The following GALNT10 variants were observed in gnomAD, a reference collection of about 807,000 sequenced individuals.
The protein encoded by GALNT10 is GalNAc transferase 10.
A neutral mutation model predicts 75.0 loss-of-function variants in GALNT10; 41 were observed. That is an observed-to-expected ratio of 0.55 (90% CI 0.43 to 0.71). The LOEUF (loss-of-function observed/expected upper bound fraction) is 0.71. Ranked by LOEUF, GALNT10 falls within the 30% of genes least tolerant of loss-of-function variation. The pLI is 0.00. For missense variants in GALNT10, 727 were observed against 818.5 expected, an observed-to-expected ratio of 0.89 and a Z score of 1.36; for synonymous variants, 302 against 313.0, an observed-to-expected ratio of 0.96 and a Z score of 0.37.
intron 3 of GALNT10, among the ~76,000 whole-genome samples, chr5:154,303,724 T>C (rs1428855827): frequency 6.6e-6 from 1 of 152,158 alleles, no homozygotes; most frequent in Non-Finnish European, 1.5e-5. Flanking sequence ...TCAAACTGTT[T>C]CCAAATATAT....
At chr5:154,355,245 C>T (rs1561670053) in intron 4 of GALNT10, among the ~76,000 whole-genome samples, 1 of 152,142 alleles carries the variant, frequency 6.6e-6, no homozygotes, top group Non-Finnish European at 1.5e-5. Context: ...CCTTCCTGCT[C>T]CTCCCCCCTC....
chr5:154,412,858 G>A lies in GALNT10; in HGVS notation c.1387-31G>A. 1 of 1,494,500 alleles carries A rather than the reference G, an allele frequency of 6.7e-7. No individual in the cohort carries two copies. The allele number at this position is 1,494,500 out of a possible 1,614,324, so 92.6% of individuals were successfully genotyped here. A position where few individuals can be genotyped will look rare whatever the true frequency, so the allele number is the denominator to read the frequency against. On this transcript the variant is annotated intron_variant, in intron 9 of 11. Coordinates refer to ENST00000297107, the MANE Select transcript of GALNT10 (RefSeq NM_198321.4). This position sits in a 1 kb window ranked among gnomAD's most constrained non-coding sequence, Gnocchi z 4.2. ...CCGGTGGGCACCTTAAGGCACCTCA[G>A]TGGTCCACTTCTTCCCTCTTTCCCT... is the stretch of plus-strand genomic sequence containing the variant.
At chr5:154,315,746 T>C (rs1754586289) in intron 3 of GALNT10, among the ~76,000 whole-genome samples, 1 of 152,188 alleles carries the variant, frequency 6.6e-6, no homozygotes, top group African/African-American at 2.4e-5. Flanking sequence ...CAGCCAGGGC[T>C]GTGGGCTTGG....
intron 4 of GALNT10, among the ~76,000 whole-genome samples, chr5:154,368,330 C>T (rs530095992): frequency 9.2e-5 from 14 of 152,326 alleles, no homozygotes; most frequent in Non-Finnish European, 1.5e-4. Flanking sequence ...GAGATGCTCT[C>T]GCTGAGGTTC....
At chr5:154,210,569 G>A (rs2113648031) in intron 1 of GALNT10, among the ~76,000 whole-genome samples, 1 of 152,312 alleles carries the variant, frequency 6.6e-6, no homozygotes, top group South Asian at 2.1e-4. Flanking sequence ...TACAATAAGT[G>A]TGATTATTTG....
intron 4 of GALNT10, among the ~76,000 whole-genome samples, chr5:154,364,939 C>G (rs766812918): frequency 1.3e-5 from 2 of 152,150 alleles, no homozygotes; most frequent in Non-Finnish European, 2.9e-5. Context: ...TTTCAGAAAA[C>G]AGAGGAGGCT....
At chr5:154,304,953 A>C (rs1037464553) in intron 3 of GALNT10, among the ~76,000 whole-genome samples, 1 of 152,224 alleles carries the variant, frequency 6.6e-6, no homozygotes, top group Non-Finnish European at 1.5e-5. Flanking sequence ...AAATGAAATC[A>C]TAAAAAGTAA....
chr5:154,260,128 C>A (rs774317877), intron 1 of GALNT10, among the ~76,000 whole-genome samples: 5 of 152,136 alleles, frequency 3.3e-5, no homozygotes, highest in Admixed American at 2.6e-4. Flanking sequence ...GCCTAAATGG[C>A]TGTCATGTCA....
In GALNT10 at chr5:154,352,690, G is replaced by T. The variant is rs1755228561; in HGVS notation, c.568+22952G>T. On this transcript the variant is annotated intron_variant, in intron 4 of 11. Coordinates refer to ENST00000297107, the MANE Select transcript of GALNT10 (RefSeq NM_198321.4). The surrounding 1 kb of genome is among the most constrained non-coding windows in gnomAD (Gnocchi z 4.4). ...TTGGCCTTGGACCTGTCCCTGTCCT[G>T]TGCCATTTTTGAAAATTTTGTCAGC... is the stretch of plus-strand genomic sequence containing the variant. Among the ~76,000 whole-genome samples, 1 of 152,168 alleles carries T rather than the reference G, an allele frequency of 6.6e-6. No individual in the cohort carries two copies.
intron 1 of GALNT10, among the ~76,000 whole-genome samples, chr5:154,261,403 G>C (rs2434533): frequency 0.24 from 37,195 of 152,082 alleles, 5,539 homozygotes; most frequent in African/African-American, 0.42. Context: ...CCTCGGGGGT[G>C]TTACTCAAAC....
chr5:154,227,020 T>C (rs1308859813), intron 1 of GALNT10, among the ~76,000 whole-genome samples: 1 of 152,192 alleles, frequency 6.6e-6, no homozygotes, highest in Non-Finnish European at 1.5e-5. Flanking sequence ...CATGTATCAA[T>C]AGTTTGTTCC....
intron 1 of GALNT10, among the ~76,000 whole-genome samples, chr5:154,281,654 G>A (rs1022093503): frequency 1.3e-5 from 2 of 152,214 alleles, no homozygotes; most frequent in Admixed American, 6.5e-5. Flanking sequence ...AAGCTAAGCT[G>A]TTCCTCAGTC....
intron 1 of GALNT10, chr5:154,219,812 G>GCTCTCT (rs60804248): frequency 1.9e-4 from 27 of 140,896 alleles, no homozygotes; most frequent in Admixed American, 1.9e-3. Flanking sequence ...ACTCTCTCGC[G>GCTCTCT]CTCTCTCTCT....
chr5:154,285,148 T>C (rs930057769), intron 1 of GALNT10, among the ~76,000 whole-genome samples: 1 of 152,006 alleles, frequency 6.6e-6, no homozygotes, highest in African/African-American at 2.4e-5. Context: ...GTAATGAAAA[T>C]ACTTATCTTC....
At chr5:154,247,724 G>A (rs6873571) in intron 1 of GALNT10, among the ~76,000 whole-genome samples, 96,234 of 152,030 alleles carry the variant, frequency 0.63, 31,100 homozygotes, top group East Asian at 0.86. Context: ...TGAGACGATG[G>A]GGTTTTCTAG....
chr5:154,350,322 G>A (rs1483170190), intron 4 of GALNT10, among the ~76,000 whole-genome samples: 7 of 152,156 alleles, frequency 4.6e-5, no homozygotes, highest in Non-Finnish European at 8.8e-5. Context: ...TCCTGGGTCC[G>A]CAGTCCACAG....
chr5:154,366,114 C>A (rs1246237874), intron 4 of GALNT10, among the ~76,000 whole-genome samples: 1 of 152,218 alleles, frequency 6.6e-6, no homozygotes, highest in East Asian at 1.9e-4. Flanking sequence ...ACTTGAGTTG[C>A]CAGCCCTGTC....
intron 1 of GALNT10, among the ~76,000 whole-genome samples, chr5:154,207,965 A>G (rs1162344831): frequency 6.6e-6 from 1 of 152,062 alleles, no homozygotes; most frequent in Non-Finnish European, 1.5e-5. Context: ...TCGGGAGGCC[A>G]TGTTGTCAAC....
intron 1 of GALNT10, among the ~76,000 whole-genome samples, chr5:154,216,168 CTG>C (rs1752869276): frequency 6.6e-6 from 1 of 152,164 alleles, no homozygotes; most frequent in Non-Finnish European, 1.5e-5. Flanking sequence ...ACTTTACAAA[CTG>C]TCTCTGGAAG....
Sources: allele counts gnomAD v4.1 joint callset (sites outside exome capture counted in the v4.1 genomes callset), GRCh38; gene constraint gnomAD v4.1.1; non-coding constraint Gnocchi (gnomAD v3.1); transcripts MANE v1.5; gene names NCBI Gene and HGNC (gene_info 2026-07-23, HGNC 2026-07-21).